The following TENM4 variants were observed in gnomAD, a reference collection of about 807,000 sequenced individuals.
The protein encoded by TENM4 is teneurin-4.
TENM4 carries 82 observed loss-of-function variants against 243.3 expected under a neutral mutation model. The observed-to-expected ratio is 0.34, with a 90% CI of 0.28 to 0.40. The LOEUF is 0.40. TENM4 is among the 10% of genes least tolerant of loss of function. The pLI is 1.00. For synonymous variants in TENM4, 1,412 were observed against 1,456.3 expected, an observed-to-expected ratio of 0.97 and a Z score of 0.69; for missense variants, 3,138 against 3,673.3, an observed-to-expected ratio of 0.85 and a Z score of 3.77.
chr11:79,066,628 A>G (rs965020648), intron 5 of TENM4, among the ~76,000 whole-genome samples: 11 of 152,000 alleles, frequency 7.2e-5, no homozygotes, highest in African/African-American at 2.7e-4. Context: ...GTGCGCACAC[A>G]CATGAACACA....
chr11:79,043,514 G>A (rs1405052119), intron 6 of TENM4, among the ~76,000 whole-genome samples: 1 of 152,116 alleles, frequency 6.6e-6, no homozygotes, highest in Non-Finnish European at 1.5e-5. Flanking sequence ...CAGCCCCAAA[G>A]CATGTTGGGT....
chr11:79,011,972 C>T (rs1858654393), intron 6 of TENM4, among the ~76,000 whole-genome samples: 1 of 152,168 alleles, frequency 6.6e-6, no homozygotes, highest in South Asian at 2.1e-4. Flanking sequence ...AGCCTATTTC[C>T]CACCTCCACG....
At chr11:78,702,535 A>G in intron 27 of TENM4, 132 bp from the exon 28 acceptor site, 2 of 1,083,614 alleles carry the variant, frequency 1.8e-6, no homozygotes, top group South Asian at 1.5e-5. Context: ...CATGCAGCCT[A>G]TCATCAACAA....
chr11:78,699,255 A>G (rs779655415), intron 28 of TENM4, among the ~76,000 whole-genome samples: 5 of 152,196 alleles, frequency 3.3e-5, no homozygotes, highest in Non-Finnish European at 7.3e-5. Context: ...TTCCTATGAA[A>G]TACATAACTA....
chr11:78,954,106 A>C (rs572794143), intron 6 of TENM4, among the ~76,000 whole-genome samples: 195 of 152,330 alleles, frequency 1.3e-3, no homozygotes, highest in African/African-American at 4.6e-3. Flanking sequence ...AAAGGAAGCC[A>C]CAAAGTTTCC....
chr11:78,997,746 C>G (rs576461778), intron 6 of TENM4, among the ~76,000 whole-genome samples: 2 of 152,308 alleles, frequency 1.3e-5, no homozygotes, highest in African/African-American at 4.8e-5. Flanking sequence ...GGACTGGCGT[C>G]TATTATGGGT....
Position 78,771,031 on chromosome 11 carries a change from T to C in TENM4, c.2500A>G (p.Met834Val). The C allele has an allele frequency of 6.3e-7, 1 of 1,584,056 alleles. No individual in the cohort carries two copies. Among genetic ancestry groups the C allele is most frequent in the Admixed American group, 1.8e-5 (1 of 55,842 alleles). ...TTGCTGTCACCGCAGGCAGTCTCCA[T>C]GGAAGTGTCACAGCCAGCTCCTCTC... Reference protein sequence around the residue: ...GWRGAGCDTSMETACGDSKDN... With the variant: ...GWRGAGCDTSVETACGDSKDN... Residue 834 changes from methionine to valine, a missense_variant, in exon 18 of 34, where the codon ATG becomes GTG. Met to Val is a conservative substitution (Grantham distance 21). Coordinates refer to ENST00000278550, the MANE Select transcript of TENM4 (RefSeq NM_001098816.3).
At chr11:79,426,025 C>G (rs1859042517) in intron 1 of TENM4, among the ~76,000 whole-genome samples, 1 of 152,140 alleles carries the variant, frequency 6.6e-6, no homozygotes, top group African/African-American at 2.4e-5. Context: ...GCCTTGAGAC[C>G]ATCACCCACA....
intron 9 of TENM4, among the ~76,000 whole-genome samples, chr11:78,876,316 T>A (rs1192623925): frequency 6.6e-6 from 1 of 152,234 alleles, no homozygotes; most frequent in Non-Finnish European, 1.5e-5. Flanking sequence ...TTGTGATTTC[T>A]GTAGTTTTAT....
chr11:78,863,162 T>A, intron 9 of TENM4, 30 bp from the exon 10 acceptor site: 1 of 1,456,490 alleles, frequency 6.9e-7, no homozygotes. Context: ...AAGTCATCTT[T>A]TTCTGCTGGA....
intron 12 of TENM4, among the ~76,000 whole-genome samples, chr11:78,818,716 G>T (rs769401202): frequency 1.6e-4 from 25 of 152,254 alleles, no homozygotes; most frequent in African/African-American, 6.0e-4. Context: ...ACTTTAATGC[G>T]TAAGTACTGT....
At chr11:79,353,305 C>A (rs1037882845) in intron 1 of TENM4, among the ~76,000 whole-genome samples, 6 of 152,104 alleles carry the variant, frequency 3.9e-5, no homozygotes, top group African/African-American at 1.4e-4. Flanking sequence ...TTAAATCTAT[C>A]TGATAAAACA....
intron 6 of TENM4, among the ~76,000 whole-genome samples, chr11:78,928,108 A>G (rs1342821247): frequency 6.6e-6 from 1 of 151,902 alleles, no homozygotes; most frequent in Non-Finnish European, 1.5e-5. Flanking sequence ...CAACACCACC[A>G]CCCATCCCTA....
rs1006837520 is a variant in TENM4 at position 79,264,699 on chromosome 11, A to T, written c.-265+32789T>A. 1.7e-3 allele frequency among the ~76,000 whole-genome samples: 259 copies of T among 152,192 alleles called. 3 individuals carry two copies. Among genetic ancestry groups the T allele is most frequent in the Admixed American group, 4.6e-4 (7 of 15,282 alleles). ...GTTACACGTTGGAAATGGGACTAAA[A>T]TCACAGGGTAGGACTTGTAGAAAAT... On this transcript the variant is annotated intron_variant, in intron 2 of 33. Transcript: ENST00000278550.
intron 18 of TENM4, among the ~76,000 whole-genome samples, chr11:78,770,747 T>C (rs932399058): frequency 3.3e-5 from 5 of 152,278 alleles, no homozygotes; most frequent in African/African-American, 1.2e-4. Flanking sequence ...ATGCCTTCTC[T>C]TCTATAGTGG....
intron 12 of TENM4, among the ~76,000 whole-genome samples, chr11:78,853,752 G>C (rs1244432313): frequency 1.3e-5 from 2 of 152,208 alleles, no homozygotes; most frequent in African/African-American, 4.8e-5. Context: ...TGAACCAAGT[G>C]AGACTCTAAA....
chr11:78,991,909 G>T (rs1245078036), intron 6 of TENM4, among the ~76,000 whole-genome samples: 1 of 152,190 alleles, frequency 6.6e-6, no homozygotes, highest in East Asian at 1.9e-4. Flanking sequence ...GGGAACAGGA[G>T]GGGTGGCAGG....
chr11:79,417,805 C>A (rs1019340220), intron 1 of TENM4, among the ~76,000 whole-genome samples: 2 of 152,112 alleles, frequency 1.3e-5, no homozygotes, highest in Non-Finnish European at 2.9e-5. Flanking sequence ...TTTTCTGGAA[C>A]CTCCACACCT....
chr11:79,214,905 G>A (rs376351372), intron 3 of TENM4, among the ~76,000 whole-genome samples: 2 of 152,218 alleles, frequency 1.3e-5, no homozygotes, highest in South Asian at 2.1e-4. Flanking sequence ...TGATGGATGC[G>A]TAGCATGAGA....
Sources: allele counts gnomAD v4.1 joint callset (sites outside exome capture counted in the v4.1 genomes callset), GRCh38; gene constraint gnomAD v4.1.1; transcripts MANE v1.5; gene names NCBI Gene and HGNC (gene_info 2026-07-23, HGNC 2026-07-21).